PCDH9: variants seen among roughly 807,000 people sequenced by gnomAD.
The protein encoded by PCDH9 is protocadherin 9, also known as protocadherin-9.
In PCDH9, 24 loss-of-function variants were observed where a neutral mutation model predicts 70.6. The observed-to-expected ratio is 0.34, with a 90% CI of 0.25 to 0.48. The LOEUF is 0.48. PCDH9 is among the 20% of genes least tolerant of loss of function. PCDH9 has a pLI of 0.99. For missense variants in PCDH9, 1,281 were observed against 1,503.6 expected, an observed-to-expected ratio of 0.85 and a Z score of 2.45; for synonymous variants, 562 against 558.5, an observed-to-expected ratio of 1.01 and a Z score of -0.09.
rs114192381 is a variant in PCDH9 at position 66,555,329 on chromosome 13, G to C, written c.3340+75881C>G. On this transcript the variant is annotated intron_variant, in intron 4 of 4. Coordinates refer to ENST00000377865, the MANE Select transcript of PCDH9 (RefSeq NM_203487.3). ...TATAGATTCTCTAATATAATTAATG[G>C]AACTACTGAGTCATCTACGTTAGAA... Among the ~76,000 whole-genome samples, 558 of 149,974 alleles carry C rather than the reference G, an allele frequency of 3.7e-3. 3 individuals carry two copies. The highest frequency in any genetic ancestry group is 0.013 in the African/African-American group (530 of 40,942).
At chr13:66,676,449 A>T (rs2078244091) in intron 3 of PCDH9, among the ~76,000 whole-genome samples, 2 of 152,114 alleles carry the variant, frequency 1.3e-5, no homozygotes, top group Non-Finnish European at 2.9e-5. Flanking sequence ...CAAAGATATG[A>T]GGAAAAATTA....
intron 2 of PCDH9, among the ~76,000 whole-genome samples, chr13:67,112,535 T>C (rs2086677234): frequency 6.6e-6 from 1 of 152,176 alleles, no homozygotes; most frequent in Non-Finnish European, 1.5e-5. Flanking sequence ...GCATATTAAC[T>C]AATTAAGGTG....
Position 66,362,544 on chromosome 13 carries a change from C to T in PCDH9, c.3341-57516G>A, listed in dbSNP as rs571202331. Reference sequence around the variant, plus strand: ...CTCTATTCATTGTGAAAAGCCTCTACGCATGAAAATGTACTACTGGACATA... The same window carrying T: ...CTCTATTCATTGTGAAAAGCCTCTATGCATGAAAATGTACTACTGGACATA... On this transcript the variant is annotated intron_variant, in intron 4 of 4. Coordinates refer to ENST00000377865, the MANE Select transcript of PCDH9 (RefSeq NM_203487.3). Among the ~76,000 whole-genome samples, 13 of 152,176 alleles carry T rather than the reference C, an allele frequency of 8.5e-5. No homozygotes were observed. The East Asian group carries it at 1.4e-3, about 16-fold the overall frequency.
At chr13:66,464,717 T>C (rs1958486949) in intron 4 of PCDH9, among the ~76,000 whole-genome samples, 1 of 151,960 alleles carries the variant, frequency 6.6e-6, no homozygotes, top group Non-Finnish European at 1.5e-5. Context: ...GCAAGTGGAC[T>C]ATTTGCAGGA....
intron 2 of PCDH9, among the ~76,000 whole-genome samples, chr13:66,957,126 G>C (rs929851692): frequency 1.3e-5 from 2 of 152,138 alleles, no homozygotes; most frequent in Non-Finnish European, 2.9e-5. Flanking sequence ...TGGAAGCTGT[G>C]TGCTGACTAA....
At chr13:67,138,634 A>G (rs1433196552) in intron 2 of PCDH9, among the ~76,000 whole-genome samples, 1 of 152,160 alleles carries the variant, frequency 6.6e-6, no homozygotes, top group Admixed American at 6.5e-5. Context: ...ACTCCCAAAA[A>G]TTCTGTAATG....
intron 2 of PCDH9, among the ~76,000 whole-genome samples, chr13:67,132,839 C>T (rs1469129896): frequency 6.6e-6 from 1 of 151,932 alleles, no homozygotes; most frequent in African/African-American, 2.4e-5. Flanking sequence ...AAATGTTTCC[C>T]TTCCTTACTT....
chr13:66,636,379 A>G (rs934437543), intron 3 of PCDH9, among the ~76,000 whole-genome samples: 1 of 152,106 alleles, frequency 6.6e-6, no homozygotes, highest in Non-Finnish European at 1.5e-5. Context: ...CTGTTATTCT[A>G]ACTTCCATTC....
At chr13:66,921,298 T>G (rs2082632743) in intron 2 of PCDH9, among the ~76,000 whole-genome samples, 1 of 151,088 alleles carries the variant, frequency 6.6e-6, no homozygotes, top group Admixed American at 6.6e-5. Context: ...TACCTTTAAT[T>G]ATGGGAACTA....
At chr13:66,872,503 T>C (rs2081712721) in intron 3 of PCDH9, among the ~76,000 whole-genome samples, 1 of 152,098 alleles carries the variant, frequency 6.6e-6, no homozygotes, top group South Asian at 2.1e-4. Context: ...CATACAGTCC[T>C]AGGAAAAGGA....
intron 2 of PCDH9, among the ~76,000 whole-genome samples, chr13:67,169,271 G>A (rs898440463): frequency 3.3e-5 from 5 of 152,064 alleles, no homozygotes; most frequent in African/African-American, 1.2e-4. Context: ...GTAAATCCAA[G>A]TTATAACATC....
At chr13:66,761,856 AG>A (rs1335142233) in intron 3 of PCDH9, among the ~76,000 whole-genome samples, 2 of 152,118 alleles carry the variant, frequency 1.3e-5, no homozygotes, top group African/African-American at 4.8e-5. Flanking sequence ...ATTATCAGGC[AG>A]TATATACATC....
rs377370806 is a variant in PCDH9 at position 66,982,386 on chromosome 13, C to G, written c.3037-78781G>C. Reference sequence around the variant, plus strand: ...TCCGCTACTATAAAATATATGTTTGCCTATAGAACGCACTTCCAAGAAACA... The same window carrying G: ...TCCGCTACTATAAAATATATGTTTGGCTATAGAACGCACTTCCAAGAAACA... On this transcript the variant is annotated intron_variant, in intron 2 of 4. Coordinates refer to ENST00000377865, the MANE Select transcript of PCDH9 (RefSeq NM_203487.3). Among the ~76,000 whole-genome samples the G allele has an allele frequency of 7.9e-4, 120 of 152,158 alleles. 1 individual carries two copies. The highest frequency in any genetic ancestry group is 2.6e-3 in the African/African-American group (107 of 41,502).
At chr13:66,792,515 C>T (rs1221938268) in intron 3 of PCDH9, among the ~76,000 whole-genome samples, 1 of 151,932 alleles carries the variant, frequency 6.6e-6, no homozygotes, top group East Asian at 1.9e-4. Context: ...ACTAAAAATA[C>T]AAAATTAGCT....
At chr13:66,915,470 T>C (rs2082542029) in intron 2 of PCDH9, among the ~76,000 whole-genome samples, 1 of 151,678 alleles carries the variant, frequency 6.6e-6, no homozygotes, top group African/African-American at 2.4e-5. Flanking sequence ...TATCATTTGA[T>C]TACCAGGAGA....
intron 3 of PCDH9, among the ~76,000 whole-genome samples, chr13:66,653,246 G>A (rs567358787): frequency 6.6e-6 from 1 of 152,152 alleles, no homozygotes; most frequent in South Asian, 2.1e-4. Context: ...AGAAAATATT[G>A]GCAAACTATC....
chr13:66,386,550 T>G lies in PCDH9; in HGVS notation c.3341-81522A>C, dbSNP rs181488797. Among the ~76,000 whole-genome samples the G allele has an allele frequency of 4.1e-3, 632 of 152,314 alleles. 3 individuals are homozygous for G. Among genetic ancestry groups the G allele is most frequent in the African/African-American group, 0.014 (600 of 41,590 alleles). On this transcript the variant is annotated intron_variant, in intron 4 of 4. Coordinates refer to ENST00000377865, the MANE Select transcript of PCDH9 (RefSeq NM_203487.3). ...TTACTTATTTCACACAGCATAGTCT[T>G]ACTAATAGTAGAAATATTTTTGCAA...
At chr13:67,104,184 T>C (rs892806873) in intron 2 of PCDH9, among the ~76,000 whole-genome samples, 1 of 152,242 alleles carries the variant, frequency 6.6e-6, no homozygotes, top group South Asian at 2.1e-4. Flanking sequence ...GTATATCATG[T>C]TGCTTTTAGG....
chr13:66,678,192 G>C (rs1271709275), intron 3 of PCDH9, among the ~76,000 whole-genome samples: 1 of 151,814 alleles, frequency 6.6e-6, no homozygotes, highest in Non-Finnish European at 1.5e-5. Flanking sequence ...TCAAACATTG[G>C]CCTTAGCTTT....
Sources: gnomAD v4.1 joint callset for allele counts (sites outside exome capture counted in the v4.1 genomes callset) on GRCh38, gnomAD v4.1.1 for gene constraint, MANE v1.5 for transcripts, NCBI Gene and HGNC (gene_info 2026-07-23, HGNC 2026-07-21) for gene names.